SHROOM4: variants seen among roughly 807,000 people sequenced by gnomAD.
SHROOM4 encodes the protein shroom family member 4.
Under a neutral mutation model 80.3 loss-of-function variants are expected in SHROOM4, and 17 were observed. The ratio of observed to expected loss-of-function variants is 0.21; its 90% CI spans 0.14 to 0.32. The LOEUF is 0.32. Among genes scored for constraint, SHROOM4 ranks in the 10% least tolerant of loss-of-function variants. SHROOM4 has a pLI of 1.00. For synonymous variants in SHROOM4, 400 were observed against 437.5 expected, an observed-to-expected ratio of 0.91 and a Z score of 1.07; for missense variants, 993 against 1,140.3, an observed-to-expected ratio of 0.87 and a Z score of 1.86.
rs373495427 is a variant in SHROOM4, at chrX:50,599,942, G to C, written c.3943-1407C>G. ...TTGTAAGTTTCTTAAGGGAAGTGCT[G>C]TCTGTGTCTTCTGATTTGTCTCCCC... On this transcript the variant is annotated intron_variant, in intron 7 of 8. Transcript: ENST00000376020. 3.2e-4 allele frequency among the ~76,000 whole-genome samples: 36 copies of C among 111,644 alleles called. No individual in the cohort carries two copies. The South Asian group carries it at 0.014, about 43-fold the overall frequency.
rs141331771 is a variant in SHROOM4, at chrX:50,633,252, G to A, written c.2821C>T (p.Pro941Ser). 3.2e-4 allele frequency: 386 copies of A among 1,209,888 alleles called. No homozygotes were observed. In the African/African-American group the frequency reaches 5.9e-3, roughly 19 times the overall value. The change falls in exon 4 of 9, where the codon CCT becomes TCT. Residue 941 changes from proline (P) to serine (S), a missense_variant. Pro to Ser is a moderately conservative substitution (Grantham distance 74, BLOSUM62 -1). Coordinates refer to ENST00000376020, the MANE Select transcript of SHROOM4 (RefSeq NM_020717.5). ...CIRCSVCYHN[P>S]QHSALEDSSL... is the part of the protein sequence containing the mutation. ...CTGTCCTCGAGGGCACTGTGCTGAGGATTATGATAGCAAACTGAACACCGA... is the reference window on the plus strand; with the variant it reads ...CTGTCCTCGAGGGCACTGTGCTGAGAATTATGATAGCAAACTGAACACCGA...
At chrX:50,601,663 T>C (rs1366840187) in intron 7 of SHROOM4, among the ~76,000 whole-genome samples, 1 of 112,058 alleles carries the variant, frequency 8.9e-6, no homozygotes, top group Non-Finnish European at 1.9e-5. Context: ...CTAGTGGTAC[T>C]TAGACAAAGA....
At chrX:50,790,141 T>A (rs1935825687) in intron 1 of SHROOM4, among the ~76,000 whole-genome samples, 1 of 111,886 alleles carries the variant, frequency 8.9e-6, no homozygotes, top group South Asian at 3.7e-4. Context: ...TGGTCTGTCA[T>A]TGATTGAAAC....
intron 5 of SHROOM4, among the ~76,000 whole-genome samples, chrX:50,621,655 C>T (rs1323204147): frequency 9.0e-6 from 1 of 111,729 alleles, no homozygotes; most frequent in African/African-American, 3.3e-5. Flanking sequence ...GTGTGCCTGG[C>T]GTTAAATTAA....
At chrX:50,637,296 T>A (rs1569546894) in intron 3 of SHROOM4, among the ~76,000 whole-genome samples, 2 of 112,188 alleles carry the variant, frequency 1.8e-5, no homozygotes, top group East Asian at 5.6e-4. Flanking sequence ...CAGGTCATTT[T>A]CTGCTCATTC....
intron 2 of SHROOM4, among the ~76,000 whole-genome samples, chrX:50,651,674 A>C (rs185412476): frequency 0.027 from 2,963 of 111,194 alleles, 103 homozygotes; most frequent in African/African-American, 0.09. Flanking sequence ...TGGTGGTTTG[A>C]TGCACCCATC....
rs187938372 is a variant in SHROOM4 at position 50,695,966 on chromosome X, A to C, written c.118-29T>G. On this transcript the variant is annotated intron_variant, in intron 1 of 8. Coordinates refer to ENST00000376020, the MANE Select transcript of SHROOM4 (RefSeq NM_020717.5). The stretch of plus-strand genomic sequence containing the variant: ...TGTTGCAGAGAACAAAACAGAAAGC[A>C]GGTAGTGAGATGACTTTCTCCCCAA... 4.1e-4 allele frequency: 495 copies of C among 1,207,447 alleles called. No homozygotes were observed. In the African/African-American group the frequency reaches 7.5e-3, roughly 18 times the overall value.
intron 1 of SHROOM4, among the ~76,000 whole-genome samples, chrX:50,723,456 T>C (rs1934176807): frequency 9.3e-6 from 1 of 107,222 alleles, no homozygotes; most frequent in Admixed American, 9.9e-5. Context: ...TGGGAGGTTT[T>C]TGCAAGACCC....
At chrX:50,646,431 C>A (rs1366051788) in intron 2 of SHROOM4, among the ~76,000 whole-genome samples, 2 of 109,915 alleles carry the variant, frequency 1.8e-5, no homozygotes, top group African/African-American at 6.6e-5. Flanking sequence ...GGACACAGAG[C>A]TCTGAAGGCC....
At chrX:50,718,021 T>C (rs1934010360) in intron 1 of SHROOM4, among the ~76,000 whole-genome samples, 1 of 110,187 alleles carries the variant, frequency 9.1e-6, no homozygotes, top group Non-Finnish European at 1.9e-5. Context: ...ATCCTGAAGG[T>C]TTTTAGAGGA....
chrX:50,683,118 A>G (rs1203187040), intron 2 of SHROOM4, among the ~76,000 whole-genome samples: 1 of 111,525 alleles, frequency 9.0e-6, no homozygotes, highest in Admixed American at 9.5e-5. Flanking sequence ...CAGATGGCCT[A>G]TTGTGAGACC....
chrX:50,611,746 C>G (rs1930004830), intron 5 of SHROOM4, among the ~76,000 whole-genome samples: 1 of 110,148 alleles, frequency 9.1e-6, no homozygotes, highest in Non-Finnish European at 1.9e-5. Context: ...ATGGTAAAAC[C>G]CTGTCTCTAC....
intron 2 of SHROOM4, among the ~76,000 whole-genome samples, chrX:50,650,017 T>C (rs1602403611): frequency 1.8e-5 from 2 of 112,263 alleles, no homozygotes; most frequent in East Asian, 5.6e-4. Context: ...AGTTAGAACA[T>C]ATTGTGCATT....
intron 4 of SHROOM4, among the ~76,000 whole-genome samples, chrX:50,632,923 A>G (rs1285383354): frequency 8.9e-6 from 1 of 111,760 alleles, no homozygotes; most frequent in Admixed American, 9.5e-5. Flanking sequence ...TCAGATATCA[A>G]TTTTATAGTC....
chrX:50,583,711 TAGTC>T (rs1448119566), downstream of SHROOM4, among the ~76,000 whole-genome samples: 1 of 111,109 alleles, frequency 9.0e-6, no homozygotes, highest in African/African-American at 3.3e-5. Context: ...CTTCAGCTGA[TAGTC>T]AGAAAGCAGT....
chrX:50,590,032 T>A lies in SHROOM4; in HGVS notation c.*6663A>T, dbSNP rs1435048873. 8.9e-6 allele frequency among the ~76,000 whole-genome samples: 1 copy of A among 111,733 alleles called. No homozygotes were observed. Among genetic ancestry groups the A allele is most frequent in the East Asian group, 2.8e-4 (1 of 3,566 alleles). On this transcript the variant is annotated 3_prime_UTR_variant, in exon 9 of 9. Transcript: ENST00000376020. Reference sequence around the variant, plus strand: ...TTTGCATTTCCCTAATGAATAGTAGTGCTTGAGCATCTTTCCCTGTGCTTG... The same window carrying A: ...TTTGCATTTCCCTAATGAATAGTAGAGCTTGAGCATCTTTCCCTGTGCTTG...
chrX:50,754,245 C>A (rs1349783876), intron 1 of SHROOM4, among the ~76,000 whole-genome samples: 1 of 111,413 alleles, frequency 9.0e-6, no homozygotes, highest in Non-Finnish European at 1.9e-5. Context: ...TAAGCAGTAG[C>A]CAGGCTTAGG....
chrX:50,628,113 G>GT (rs1405472072), intron 4 of SHROOM4, among the ~76,000 whole-genome samples: 1 of 111,844 alleles, frequency 8.9e-6, no homozygotes, highest in Non-Finnish European at 1.9e-5. Context: ...TGACCCTTGA[G>GT]GGGGGCTTTG....
chrX:50,727,897 G>A (rs1232762399), intron 1 of SHROOM4, among the ~76,000 whole-genome samples: 2 of 111,994 alleles, frequency 1.8e-5, no homozygotes, highest in Non-Finnish European at 3.8e-5. Context: ...AGAGGGAGAG[G>A]CAGGTAATAA....
Sources: gnomAD v4.1 joint callset for allele counts (sites outside exome capture counted in the v4.1 genomes callset) on GRCh38, gnomAD v4.1.1 for gene constraint, MANE v1.5 for transcripts, NCBI Gene and HGNC (gene_info 2026-07-23, HGNC 2026-07-21) for gene names.